Variants in KIAA1217 observed in about 807,000 individuals in gnomAD.
KIAA1217 encodes sickle tail protein homolog.
Under a neutral mutation model 163.9 loss-of-function variants are expected in KIAA1217, and 88 were observed. The ratio of observed to expected loss-of-function variants is 0.54; its 90% CI spans 0.45 to 0.64. The LOEUF is 0.64. Among genes scored for constraint, KIAA1217 ranks in the 30% least tolerant of loss-of-function variants. KIAA1217 has a pLI of 0.00. For synonymous variants in KIAA1217, 903 were observed against 923.1 expected (o/e 0.98, Z 0.39); for missense variants, 2,372 against 2,475.0 (o/e 0.96, Z 0.88).
intron 2 of KIAA1217, among the ~76,000 whole-genome samples, chr10:24,226,035 A>C (rs2070473097): frequency 6.6e-6 from 1 of 152,228 alleles, no homozygotes; most frequent in East Asian, 1.9e-4. Context: ...CAGTTTGAGC[A>C]GTCAGAAAGA....
intron 2 of KIAA1217, among the ~76,000 whole-genome samples, chr10:24,067,537 G>T (rs916411155): frequency 3.9e-5 from 6 of 152,196 alleles, no homozygotes; most frequent in South Asian, 2.1e-4. Context: ...GCCATGGGAG[G>T]TGTCAGTCCG....
At chr10:23,836,772 A>T (rs7072275) in intron 1 of KIAA1217, among the ~76,000 whole-genome samples, 49,817 of 151,528 alleles carry the variant, frequency 0.33, 8,743 homozygotes, top group African/African-American at 0.44. Context: ...CAAAAAATAA[A>T]AAAAAAAATT....
intron 2 of KIAA1217, among the ~76,000 whole-genome samples, chr10:24,304,065 C>T (rs1415258828): frequency 2.0e-5 from 3 of 150,880 alleles, no homozygotes; most frequent in Non-Finnish European, 4.4e-5. Flanking sequence ...CTGATTTCCA[C>T]GCCTACTTAC....
At chr10:24,541,988 G>C (rs1475359371) in intron 17 of KIAA1217, among the ~76,000 whole-genome samples, 1 of 152,216 alleles carries the variant, frequency 6.6e-6, no homozygotes, top group African/African-American at 2.4e-5. Flanking sequence ...TCTGAATTTG[G>C]ATTTGGTCAT....
intron 1 of KIAA1217, among the ~76,000 whole-genome samples, chr10:23,780,575 G>A (rs146511005): frequency 2.6e-5 from 4 of 152,300 alleles, no homozygotes; most frequent in Non-Finnish European, 5.9e-5. Context: ...CAACATACAT[G>A]TTGCTGTTGC....
intron 2 of KIAA1217, among the ~76,000 whole-genome samples, chr10:24,094,495 A>C (rs1188334604): frequency 6.6e-6 from 1 of 152,130 alleles, no homozygotes; most frequent in Admixed American, 6.5e-5. Flanking sequence ...CTAGAGGTCC[A>C]CTCCAGACCC....
chr10:24,046,515 C>A (rs570699569), intron 2 of KIAA1217, among the ~76,000 whole-genome samples: 2 of 152,036 alleles, frequency 1.3e-5, no homozygotes, highest in African/African-American at 4.8e-5. Flanking sequence ...ACAGTCATGG[C>A]GGAAGACGAA....
intron 1 of KIAA1217, among the ~76,000 whole-genome samples, chr10:24,216,997 A>ATTCCAGCC (rs1183927253): frequency 7.7e-6 from 1 of 129,310 alleles, no homozygotes; most frequent in East Asian, 2.7e-4. Context: ...ATGCTACTGC[A>ATTCCAGCC]TTCCAGCCTG....
At chr10:24,447,541 A>G (rs2061042868) in intron 5 of KIAA1217, among the ~76,000 whole-genome samples, 1 of 152,166 alleles carries the variant, frequency 6.6e-6, no homozygotes, top group South Asian at 2.1e-4. Context: ...CTTCTCAGGG[A>G]CAGGGTCTCC....
chr10:24,060,224 C>A (rs749332899), intron 2 of KIAA1217, among the ~76,000 whole-genome samples: 1 of 152,030 alleles, frequency 6.6e-6, no homozygotes, highest in Non-Finnish European at 1.5e-5. Context: ...TTTCTGCCAA[C>A]TTTTAGACTT....
At chr10:24,224,759 T>G (rs2070223043) in intron 2 of KIAA1217, among the ~76,000 whole-genome samples, 1 of 152,128 alleles carries the variant, frequency 6.6e-6, no homozygotes, top group Admixed American at 6.6e-5. Flanking sequence ...ATATTCTGGT[T>G]TTTAGTGTCC....
intron 6 of KIAA1217, among the ~76,000 whole-genome samples, chr10:24,489,255 T>C (rs1327169259): frequency 6.6e-6 from 1 of 150,532 alleles, no homozygotes; most frequent in Admixed American, 6.6e-5. Context: ...AAAAAAAAAG[T>C]TCTATAAATG....
At chr10:24,121,216 T>C (rs2063269504) in intron 2 of KIAA1217, among the ~76,000 whole-genome samples, 1 of 152,184 alleles carries the variant, frequency 6.6e-6, no homozygotes, top group Non-Finnish European at 1.5e-5. Context: ...TAGCCTAGCA[T>C]AGGTAGCAGC....
intron 1 of KIAA1217, among the ~76,000 whole-genome samples, chr10:23,971,800 C>A (rs1463608798): frequency 2.0e-5 from 3 of 152,152 alleles, no homozygotes; most frequent in Non-Finnish European, 4.4e-5. Context: ...GAGGTTGGCA[C>A]CTTTTTAAGT....
intron 3 of KIAA1217, among the ~76,000 whole-genome samples, chr10:24,417,203 A>T (rs907662880): frequency 2.6e-5 from 4 of 152,106 alleles, no homozygotes; most frequent in South Asian, 4.1e-4. Context: ...GGGGAAAAAA[A>T]TCTGAGCCTC....
At chr10:24,331,490 G>T (rs1295767146) in intron 2 of KIAA1217, among the ~76,000 whole-genome samples, 2 of 152,230 alleles carry the variant, frequency 1.3e-5, no homozygotes, top group Non-Finnish European at 2.9e-5. Context: ...CAAGAATCTA[G>T]CAGTAGTAAT....
chr10:23,722,016 G>A (rs1837897897), intron 1 of KIAA1217, among the ~76,000 whole-genome samples: 1 of 152,074 alleles, frequency 6.6e-6, no homozygotes, highest in Non-Finnish European at 1.5e-5. Flanking sequence ...GCCCTAAAAA[G>A]GAAGGAAATT....
chr10:24,160,619 G>T (rs1454934098), intron 2 of KIAA1217, among the ~76,000 whole-genome samples: 1 of 152,106 alleles, frequency 6.6e-6, no homozygotes, highest in Non-Finnish European at 1.5e-5. Flanking sequence ...TCTCTCTAAA[G>T]AAGTTCTGCA....
intron 1 of KIAA1217, among the ~76,000 whole-genome samples, chr10:23,697,861 A>C (rs894283078): frequency 6.6e-6 from 1 of 151,812 alleles, no homozygotes; most frequent in African/African-American, 2.4e-5. Context: ...TGGTTGACAA[A>C]GTGAGACCCT....
Sources: gnomAD v4.1 joint callset for allele counts (sites outside exome capture counted in the v4.1 genomes callset) on GRCh38, gnomAD v4.1.1 for gene constraint, MANE v1.5 for transcripts, NCBI Gene and HGNC (gene_info 2026-07-23, HGNC 2026-07-21) for gene names.